The following CSMD1 variants were observed in gnomAD, a reference collection of about 807,000 sequenced individuals.
The protein encoded by CSMD1 is CUB and sushi domain-containing protein 1.
A neutral mutation model predicts 417.5 loss-of-function variants in CSMD1; 213 were observed. That is an observed-to-expected ratio of 0.51 (90% CI 0.46 to 0.57). The LOEUF (loss-of-function observed/expected upper bound fraction) is 0.57. Among genes scored for constraint, CSMD1 ranks in the 20% least tolerant of loss-of-function variants. CSMD1 has a pLI of 0.00. For synonymous variants in CSMD1, 2,862 were observed against 1,736.8 expected (o/e 1.65, Z -16.11); for missense variants, 6,923 against 4,529.7 (o/e 1.53, Z -15.17).
intron 6 of CSMD1, among the ~76,000 whole-genome samples, chr8:3,721,105 G>C (rs967946425): frequency 1.3e-5 from 2 of 152,130 alleles, no homozygotes; most frequent in Non-Finnish European, 2.9e-5. Context: ...TTACAGGTGT[G>C]AGCCACCATG....
At chr8:3,778,750 C>G (rs932871775) in intron 5 of CSMD1, among the ~76,000 whole-genome samples, 15 of 152,180 alleles carry the variant, frequency 9.9e-5, no homozygotes, top group Admixed American at 1.3e-4. Flanking sequence ...AATCAGGTTA[C>G]AAATAATTGC....
At chr8:4,299,389 CA>C (rs1797860523) in intron 3 of CSMD1, among the ~76,000 whole-genome samples, 1 of 152,012 alleles carries the variant, frequency 6.6e-6, no homozygotes, top group Non-Finnish European at 1.5e-5. Context: ...TGTAGATAAC[CA>C]GTCGTCTCAA....
At chr8:4,155,935 G>C (rs1209119474) in intron 3 of CSMD1, among the ~76,000 whole-genome samples, 6 of 152,138 alleles carry the variant, frequency 3.9e-5, no homozygotes, top group Admixed American at 6.5e-5. Context: ...CACAGCCCAG[G>C]TGTTCTGCAG....
chr8:4,154,290 A>T (rs1049341499), intron 3 of CSMD1, among the ~76,000 whole-genome samples: 4 of 152,096 alleles, frequency 2.6e-5, no homozygotes, highest in Non-Finnish European at 5.9e-5. Context: ...AATAAATAAG[A>T]TGTTTCTGTT....
chr8:3,405,596 T>C (rs918391580), intron 15 of CSMD1, among the ~76,000 whole-genome samples: 1 of 106,252 alleles, frequency 9.4e-6, no homozygotes, highest in Non-Finnish European at 1.9e-5. Context: ...TTAGTTAGGA[T>C]AAGGTGTTGC....
intron 1 of CSMD1, among the ~76,000 whole-genome samples, chr8:4,779,477 T>C (rs1471337214): frequency 1.3e-5 from 2 of 152,190 alleles, no homozygotes; most frequent in Non-Finnish European, 2.9e-5. Flanking sequence ...AATTTATTTT[T>C]TTCTTATTTC....
chr8:4,124,879 A>T (rs1012041173), intron 3 of CSMD1, among the ~76,000 whole-genome samples: 1 of 152,154 alleles, frequency 6.6e-6, no homozygotes, highest in Non-Finnish European at 1.5e-5. Flanking sequence ...CAGAAAAAGG[A>T]AAAGCGGAGG....
At chr8:3,075,571 A>G (rs1813602733) in intron 49 of CSMD1, among the ~76,000 whole-genome samples, 1 of 152,072 alleles carries the variant, frequency 6.6e-6, no homozygotes, top group Non-Finnish European at 1.5e-5. Flanking sequence ...ATGGACCACC[A>G]TGCCAGGCTA....
intron 3 of CSMD1, among the ~76,000 whole-genome samples, chr8:4,066,060 T>G (rs1160716377): frequency 6.6e-6 from 1 of 152,330 alleles, no homozygotes; most frequent in East Asian, 1.9e-4. Flanking sequence ...TGGGAAAGCC[T>G]GGAATAGGTG....
At chr8:3,811,522 G>A (rs1401129951) in intron 5 of CSMD1, among the ~76,000 whole-genome samples, 1 of 152,008 alleles carries the variant, frequency 6.6e-6, no homozygotes. Context: ...TTGTTCCCTG[G>A]TGTTCCTTGA....
intron 3 of CSMD1, among the ~76,000 whole-genome samples, chr8:4,291,515 C>G (rs180721875): frequency 6.6e-6 from 1 of 151,954 alleles, no homozygotes; most frequent in Non-Finnish European, 1.5e-5. Context: ...CACTTGTTTT[C>G]GGAAAGTACA....
In CSMD1 at chr8:3,551,911, G is replaced by A. The variant is rs533126683; in HGVS notation, c.1344+23034C>T. On this transcript the variant is annotated intron_variant, in intron 10 of 69. Coordinates refer to ENST00000635120, the MANE Select transcript of CSMD1 (RefSeq NM_033225.6). ...GCTGAGTGTGGCATGTGGTACCTGT[G>A]TCAGTCCAGACGTGGTTTTAGCTAC... 3.9e-5 allele frequency among the ~76,000 whole-genome samples: 6 copies of A among 152,168 alleles called. No individual in the cohort carries two copies. The South Asian group carries it at 1.0e-3, about 26-fold the overall frequency.
intron 11 of CSMD1, among the ~76,000 whole-genome samples, chr8:3,490,767 G>T (rs1172530760): frequency 1.3e-5 from 2 of 152,104 alleles, no homozygotes; most frequent in African/African-American, 4.8e-5. Flanking sequence ...CCCTGTCCCA[G>T]GTCAAAGGCA....
intron 1 of CSMD1, among the ~76,000 whole-genome samples, chr8:4,809,000 C>G (rs905557656): frequency 2.0e-5 from 3 of 152,182 alleles, no homozygotes; most frequent in South Asian, 2.1e-4. Context: ...ACATTTTGCT[C>G]TTGATCTTAT....
intron 25 of CSMD1, among the ~76,000 whole-genome samples, chr8:3,305,312 T>G (rs1166024326): frequency 6.6e-6 from 1 of 152,178 alleles, no homozygotes; most frequent in Non-Finnish European, 1.5e-5. Context: ...TCATTTATCT[T>G]GATTAATTTT....
At chr8:4,062,956 A>G (rs1343154483) in intron 3 of CSMD1, among the ~76,000 whole-genome samples, 5 of 152,300 alleles carry the variant, frequency 3.3e-5, no homozygotes, top group South Asian at 4.1e-4. Context: ...TGTTAACAAC[A>G]TCATCCAGAT....
chr8:3,954,405 C>A (rs572081639), intron 5 of CSMD1, among the ~76,000 whole-genome samples: 1 of 152,132 alleles, frequency 6.6e-6, no homozygotes, highest in Admixed American at 6.5e-5. Flanking sequence ...CTCTGCTGCC[C>A]AGGCTGGAGT....
intron 5 of CSMD1, among the ~76,000 whole-genome samples, chr8:3,910,569 T>C (rs1028626622): frequency 1.3e-5 from 2 of 152,216 alleles, no homozygotes; most frequent in African/African-American, 2.4e-5. Flanking sequence ...GCAGACAGTA[T>C]TATGAATGCA....
At chr8:4,957,496 G>C (rs1809197057) in intron 1 of CSMD1, among the ~76,000 whole-genome samples, 1 of 152,250 alleles carries the variant, frequency 6.6e-6, no homozygotes, top group East Asian at 1.9e-4. Context: ...TATCAGAGTA[G>C]AAATAACTAC....
Sources: allele counts gnomAD v4.1 joint callset (sites outside exome capture counted in the v4.1 genomes callset), GRCh38; gene constraint gnomAD v4.1.1; transcripts MANE v1.5; gene names NCBI Gene and HGNC (gene_info 2026-07-23, HGNC 2026-07-21).